Variants in PAPPA2 observed in about 807,000 individuals in gnomAD.
The protein encoded by PAPPA2 is pappalysin-2.
In PAPPA2, 86 loss-of-function variants were observed where a neutral mutation model predicts 176.4. The observed-to-expected ratio is 0.49, with a 90% CI of 0.41 to 0.58. PAPPA2 has a LOEUF of 0.58. PAPPA2 is among the 20% of genes least tolerant of loss of function. The pLI is 0.00. For synonymous variants in PAPPA2, 809 were observed against 852.2 expected (o/e 0.95, Z 0.88); for missense variants, 2,073 against 2,256.9 (o/e 0.92, Z 1.65).
intron 1 of PAPPA2, among the ~76,000 whole-genome samples, chr1:176,470,159 G>A (rs1054007329): frequency 6.6e-6 from 1 of 152,194 alleles, no homozygotes; most frequent in Admixed American, 6.5e-5. Context: ...CCATCTCCAA[G>A]CAAGAAGGTT....
chr1:176,620,607 T>G (rs935114857), intron 3 of PAPPA2, among the ~76,000 whole-genome samples: 1 of 152,206 alleles, frequency 6.6e-6, no homozygotes, highest in Non-Finnish European at 1.5e-5. Flanking sequence ...ACAAACAATA[T>G]GTAAATGAAT....
At chr1:176,638,049 A>T (rs1656825982) in intron 3 of PAPPA2, among the ~76,000 whole-genome samples, 1 of 152,092 alleles carries the variant, frequency 6.6e-6, no homozygotes, top group Non-Finnish European at 1.5e-5. Flanking sequence ...CTTGCACTGT[A>T]CTAGAAAATA....
chr1:176,543,818 C>T (rs1478156351), intron 1 of PAPPA2, among the ~76,000 whole-genome samples: 1 of 152,160 alleles, frequency 6.6e-6, no homozygotes, highest in Admixed American at 6.5e-5. Context: ...CTATTTCTTT[C>T]CAATGACGTG....
At chr1:176,653,104 A>G (rs1657831260) in intron 3 of PAPPA2, among the ~76,000 whole-genome samples, 1 of 151,708 alleles carries the variant, frequency 6.6e-6, no homozygotes, top group Admixed American at 6.6e-5. Flanking sequence ...ATTTGGGAAA[A>G]GGTGAGCATG....
chr1:176,682,004 G>A (rs1302925045), intron 4 of PAPPA2, among the ~76,000 whole-genome samples: 2 of 152,134 alleles, frequency 1.3e-5, no homozygotes, highest in African/African-American at 2.4e-5. Flanking sequence ...AACTAGCTTG[G>A]AGGTGAGATA....
chr1:176,758,516 A>C (rs1004283635), intron 14 of PAPPA2, among the ~76,000 whole-genome samples: 1 of 152,190 alleles, frequency 6.6e-6, no homozygotes, highest in Admixed American at 6.5e-5. Flanking sequence ...TCCTACTCCT[A>C]TCTGCTGCCA....
chr1:176,609,479 G>C (rs952229613), intron 3 of PAPPA2, among the ~76,000 whole-genome samples: 1 of 152,168 alleles, frequency 6.6e-6, no homozygotes, highest in South Asian at 2.1e-4. Flanking sequence ...GAGAGTACTT[G>C]CCATGGAAGC....
chr1:176,537,879 C>T (rs1243471813), intron 1 of PAPPA2, among the ~76,000 whole-genome samples: 1 of 152,084 alleles, frequency 6.6e-6, no homozygotes, highest in African/African-American at 2.4e-5. Context: ...TTGCTTCTTT[C>T]ATCTCCACCC....
intron 1 of PAPPA2, among the ~76,000 whole-genome samples, chr1:176,510,880 C>T (rs1298162693): frequency 1.4e-5 from 2 of 140,154 alleles, no homozygotes; most frequent in Non-Finnish European, 3.1e-5. Context: ...AGAGGGAGAG[C>T]TAATAAGCCA....
Position 176,769,934 on chromosome 1 carries a change from G to T in PAPPA2, c.4501+150G>T, listed in dbSNP as rs973993862. 5.1e-6 allele frequency: 4 copies of T among 785,064 alleles called. No individual in the cohort carries two copies. The East Asian group carries it at 1.1e-4, about 22-fold the overall frequency. 48.6% of individuals were successfully genotyped at this position (785,064 alleles called of 1,614,324 possible). On this transcript the variant is annotated intron_variant, in intron 16 of 22. Transcript: ENST00000367662. ...TGATAACTCCAGAAAAGTCCCAAAA[G>T]GCAACACCACTCTTTGTCCCCAACT...
At chr1:176,679,651 T>G (rs1659483904) in intron 4 of PAPPA2, among the ~76,000 whole-genome samples, 1 of 152,120 alleles carries the variant, frequency 6.6e-6, no homozygotes, top group African/African-American at 2.4e-5. Flanking sequence ...GCTAAGCAGT[T>G]GTCTGCAAGG....
intron 21 of PAPPA2, among the ~76,000 whole-genome samples, chr1:176,839,393 C>T (rs139850045): frequency 8.1e-4 from 124 of 152,338 alleles, no homozygotes; most frequent in Non-Finnish European, 1.4e-3. Context: ...TTGGCCTGGA[C>T]GCCTTTCCCA....
intron 3 of PAPPA2, among the ~76,000 whole-genome samples, chr1:176,598,265 C>G (rs1445010145): frequency 6.6e-6 from 1 of 150,562 alleles, no homozygotes; most frequent in Non-Finnish European, 1.5e-5. Flanking sequence ...ATTTTTTTCA[C>G]CTGTTTTTTT....
chr1:176,648,451 C>T (rs1190177749), intron 3 of PAPPA2, among the ~76,000 whole-genome samples: 3 of 151,432 alleles, frequency 2.0e-5, no homozygotes, highest in African/African-American at 4.8e-5. Flanking sequence ...ACTGTTCTGG[C>T]CAGTACTTTC....
At chr1:176,659,205 C>G (rs1658198453) in intron 3 of PAPPA2, among the ~76,000 whole-genome samples, 1 of 152,000 alleles carries the variant, frequency 6.6e-6, no homozygotes, top group Non-Finnish European at 1.5e-5. Context: ...CAAAGCCCCA[C>G]AAACTGGGGG....
chr1:176,591,940 C>G (rs1375199811), intron 2 of PAPPA2, among the ~76,000 whole-genome samples: 2 of 152,188 alleles, frequency 1.3e-5, no homozygotes. Context: ...TGCTAAGGCT[C>G]TCAACTTCTG....
At chr1:176,633,506 C>T (rs1656475438) in intron 3 of PAPPA2, among the ~76,000 whole-genome samples, 1 of 152,064 alleles carries the variant, frequency 6.6e-6, no homozygotes, top group East Asian at 1.9e-4. Flanking sequence ...TTATGAAATA[C>T]TTAATGAGTA....
chr1:176,688,599 G>A (rs1181296412), intron 4 of PAPPA2, among the ~76,000 whole-genome samples: 1 of 152,172 alleles, frequency 6.6e-6, no homozygotes, highest in East Asian at 1.9e-4. Context: ...TTTACCATAA[G>A]TAGTAGAAAT....
intron 5 of PAPPA2, 24 bp downstream of exon 5, chr1:176,690,454 T>C: frequency 6.2e-7 from 1 of 1,607,064 alleles, no homozygotes; most frequent in South Asian, 1.1e-5. Flanking sequence ...CTTGTTTTGT[T>C]TTCTGTTAAG....
Sources: allele counts gnomAD v4.1 joint callset (sites outside exome capture counted in the v4.1 genomes callset), GRCh38; gene constraint gnomAD v4.1.1; transcripts MANE v1.5; gene names NCBI Gene and HGNC (gene_info 2026-07-23, HGNC 2026-07-21).